Variants in KATNAL2 observed in about 807,000 individuals in gnomAD.
KATNAL2 encodes the protein katanin catalytic subunit A1 like 2.
Under a neutral mutation model 76.3 loss-of-function variants are expected in KATNAL2, and 52 were observed. The ratio of observed to expected loss-of-function variants is 0.68; its 90% CI spans 0.55 to 0.86. The LOEUF (loss-of-function observed/expected upper bound fraction) is 0.86, where lower values mean the gene tolerates loss of function less well. KATNAL2 is among the 40% of genes least tolerant of loss of function. The probability of loss-of-function intolerance (pLI) is 0.00; values close to 1 mark genes in which losing one functional copy is unlikely to be tolerated. For missense variants in KATNAL2, 660 were observed against 668.9 expected (o/e 0.99, Z 0.15); for synonymous variants, 243 against 244.2 (o/e 1.00, Z 0.05).
At chr18:47,086,861 G>A (rs188778473) in intron 15 of KATNAL2, among the ~76,000 whole-genome samples, 125 of 152,272 alleles carry the variant, frequency 8.2e-4, no homozygotes, top group Non-Finnish European at 1.5e-3. Flanking sequence ...CTCTTGCTTC[G>A]TTCACACCTT....
rs573374662 is a variant in KATNAL2 at position 47,101,626 on chromosome 18, T to A, written c.*621T>A. On this transcript the variant is annotated 3_prime_UTR_variant, in exon 18 of 18. Transcript: ENST00000683218. The stretch of plus-strand genomic sequence containing the variant: ...TGCTAGAGCTAATAGCCAGGGTGAC[T>A]AGCACACCATCACCATCAGCTGCCA... 4 of 153,734 alleles carry A rather than the reference T, an allele frequency of 2.6e-5. No individual in the cohort carries two copies. Among genetic ancestry groups the A allele is most frequent in the African/African-American group, 9.6e-5 (4 of 41,554 alleles). The allele number at this position is 153,734 out of a possible 1,614,324, so 9.5% of individuals were successfully genotyped here.
intron 11 of KATNAL2, among the ~76,000 whole-genome samples, chr18:47,067,448 G>A (rs755574741): frequency 2.3e-4 from 35 of 152,106 alleles, no homozygotes; most frequent in Admixed American, 5.2e-4. Context: ...AATACCTCTG[G>A]TAGGGGAGAA....
chr18:46,961,297 G>T (rs2059939571), intron 3 of KATNAL2, among the ~76,000 whole-genome samples: 2 of 152,072 alleles, frequency 1.3e-5, no homozygotes, highest in Admixed American at 1.3e-4. Flanking sequence ...GGTGGGGGTG[G>T]GGGTGGGTAG....
Position 47,067,021 on chromosome 18 carries a change from G to A in KATNAL2, c.727G>A (p.Asp243Asn), listed in dbSNP as rs1206290876. ...MRELAAVVSR[D>N]IYLHNPNIKW... The stretch of plus-strand genomic sequence containing the variant: ...AAAAATGATCAAATGTGCATTGCAG[G>A]ACATTTATCTCCATAATCCAAACAT... Residue 243 changes from aspartate to asparagine, a missense_variant and splice_region_variant, in exon 11 of 18, where the codon GAC (aspartate) becomes AAC (asparagine). Asp to Asn is a conservative substitution (Grantham distance 23, BLOSUM62 1). Coordinates refer to ENST00000683218, the MANE Select transcript of KATNAL2 (RefSeq NM_001387690.1). The A allele has an allele frequency of 6.4e-7, 1 of 1,568,426 alleles. No individual in the cohort carries two copies. Among genetic ancestry groups the A allele is most frequent in the Non-Finnish European group, 8.7e-7 (1 of 1,145,552 alleles).
At chr18:46,946,946 A>G (rs2059398221) in intron 3 of KATNAL2, 23 bp downstream of exon 3, 10 of 1,419,630 alleles carry the variant, frequency 7.0e-6, no homozygotes, top group Non-Finnish European at 9.6e-6. Context: ...TATATAAAAC[A>G]TGATTATACC....
chr18:47,070,955 T>C (rs2061976861), intron 13 of KATNAL2, among the ~76,000 whole-genome samples: 1 of 152,198 alleles, frequency 6.6e-6, no homozygotes, highest in Admixed American at 6.5e-5. Context: ...TATGGTTCCA[T>C]GTGATTTTAG....
At chr18:46,927,360 A>G (rs1472198725) in intron 1 of KATNAL2, among the ~76,000 whole-genome samples, 3 of 152,096 alleles carry the variant, frequency 2.0e-5, no homozygotes, top group Admixed American at 6.5e-5. Flanking sequence ...GTTTGGCTGG[A>G]TATGAGATTC....
At chr18:47,067,218 T>C in intron 11 of KATNAL2, 99 bp downstream of exon 11, 1 of 515,670 alleles carries the variant, frequency 1.9e-6, no homozygotes. Context: ...AGGATGATTT[T>C]CTGTCCACAC....
Position 47,075,375 on chromosome 18 carries a change from G to T in KATNAL2, c.1100+7G>T. 6.6e-7 allele frequency: 1 copy of T among 1,513,842 alleles called. No individual in the cohort carries two copies. Among genetic ancestry groups the T allele is most frequent in the Non-Finnish European group, 8.8e-7 (1 of 1,137,408 alleles). The allele number at this position is 1,513,842 out of a possible 1,614,324, so 93.8% of individuals were successfully genotyped here. Reference sequence around the variant, plus strand: ...AGAGAGGCACAGCTTCTGGGTAACAGACAGGGTTGGGGTTTTTGTTGTTGT... The same window carrying T: ...AGAGAGGCACAGCTTCTGGGTAACATACAGGGTTGGGGTTTTTGTTGTTGT... On this transcript the variant is annotated splice_region_variant and intron_variant, in intron 14 of 17. Transcript: ENST00000683218.
chr18:47,033,188 C>T (rs1167013192), intron 3 of KATNAL2: 2 of 1,614,136 alleles, frequency 1.2e-6, no homozygotes. Context: ...TCTCTGCCAC[C>T]GCCGCTGCTG....
At position 47,097,516 on chromosome 18, in the gene KATNAL2, A is replaced by C. The variant is rs1358418038; in HGVS notation, c.1212-1727A>C. Among the ~76,000 whole-genome samples the C allele has an allele frequency of 2.6e-5, 4 of 152,228 alleles. No individual in the cohort carries two copies. The East Asian group carries it at 7.7e-4, about 29-fold the overall frequency. ...CCCTCTTAGAGACAGGGAATAGAGGAACCAGTTTCATGTATCACAAGGAAA... is the reference window on the plus strand; with the variant it reads ...CCCTCTTAGAGACAGGGAATAGAGGCACCAGTTTCATGTATCACAAGGAAA... On this transcript the variant is annotated intron_variant, in intron 15 of 17. Coordinates refer to ENST00000683218, the MANE Select transcript of KATNAL2 (RefSeq NM_001387690.1).
intron 13 of KATNAL2, among the ~76,000 whole-genome samples, chr18:47,072,594 C>T (rs998952688): frequency 6.6e-6 from 1 of 152,162 alleles, no homozygotes; most frequent in Non-Finnish European, 1.5e-5. Flanking sequence ...TATAGGTGCA[C>T]ACCACCAAGC....
chr18:46,951,540 C>T (rs1245724632), intron 3 of KATNAL2, among the ~76,000 whole-genome samples: 1 of 151,698 alleles, frequency 6.6e-6, no homozygotes, highest in Non-Finnish European at 1.5e-5. Context: ...TCCTCCCTTC[C>T]CTGTGTTAGA....
intron 11 of KATNAL2, among the ~76,000 whole-genome samples, chr18:47,067,504 C>A (rs1005880596): frequency 6.6e-6 from 1 of 152,142 alleles, no homozygotes; most frequent in Non-Finnish European, 1.5e-5. Context: ...CCCCTGCCCC[C>A]CTGACCTACC....
At chr18:47,094,487 T>C (rs1227786280) in intron 15 of KATNAL2, among the ~76,000 whole-genome samples, 1 of 152,236 alleles carries the variant, frequency 6.6e-6, no homozygotes, top group Non-Finnish European at 1.5e-5. Flanking sequence ...TTGGGCTCTG[T>C]CTTCAAGTTA....
chr18:46,925,994 C>G (rs372935209), intron 1 of KATNAL2, among the ~76,000 whole-genome samples: 1 of 151,690 alleles, frequency 6.6e-6, no homozygotes, highest in African/African-American at 2.4e-5. Context: ...TATTAGTCTT[C>G]CTAGCGGTCT....
intron 3 of KATNAL2, among the ~76,000 whole-genome samples, chr18:47,044,894 G>A (rs1253854163): frequency 6.6e-6 from 1 of 152,088 alleles, no homozygotes; most frequent in African/African-American, 2.4e-5. Context: ...GAACAACTTA[G>A]CCAACATTGT....
chr18:47,095,652 G>A (rs2063200914), intron 15 of KATNAL2, among the ~76,000 whole-genome samples: 1 of 152,198 alleles, frequency 6.6e-6, no homozygotes, highest in Admixed American at 6.5e-5. Context: ...AACACAGACA[G>A]CCTTCTGTTG....
intron 3 of KATNAL2, among the ~76,000 whole-genome samples, chr18:46,965,956 T>C (rs1176962570): frequency 2.7e-5 from 4 of 150,716 alleles, no homozygotes; most frequent in African/African-American, 9.7e-5. Context: ...ATGTTTACAT[T>C]CTCACATGAC....
Sources: allele counts gnomAD v4.1 joint callset (sites outside exome capture counted in the v4.1 genomes callset), GRCh38; gene constraint gnomAD v4.1.1; transcripts MANE v1.5; gene names NCBI Gene and HGNC (gene_info 2026-07-23, HGNC 2026-07-21).